The following ZNRF2 variants were observed in gnomAD, a reference collection of about 807,000 sequenced individuals.
ZNRF2 encodes the protein E3 ubiquitin-protein ligase ZNRF2.
A neutral mutation model predicts 20.4 loss-of-function variants in ZNRF2; 16 were observed. The observed-to-expected ratio is 0.79, with a 90% CI of 0.53 to 1.19. The LOEUF is 1.19. Among genes scored for constraint, ZNRF2 ranks in the 50% most tolerant of loss-of-function variants. ZNRF2 has a pLI of 0.00. For missense variants in ZNRF2, 363 were observed against 332.4 expected, an observed-to-expected ratio of 1.09 and a Z score of -0.72; for synonymous variants, 178 against 144.9, an observed-to-expected ratio of 1.23 and a Z score of -1.64.
chr7:30,312,051 TG>T (rs1799299714), intron 1 of ZNRF2, among the ~76,000 whole-genome samples: 1 of 152,206 alleles, frequency 6.6e-6, no homozygotes. Flanking sequence ...TATCAAATTT[TG>T]TTAGGTACAT....
rs1342790065 is a variant in ZNRF2 at position 30,330,126 on chromosome 7, A to G, written c.565+6389A>G. On this transcript the variant is annotated intron_variant, in intron 2 of 4. Transcript: ENST00000323037. ...ATATAAAGTTCAGTTTTTACTTTAG[A>G]CTTCTGTGATTCAAGGCAGTAAGAT... Among the ~76,000 whole-genome samples the G allele has an allele frequency of 2.6e-5, 4 of 152,288 alleles. No homozygotes were observed. The East Asian group carries it at 7.7e-4, about 29-fold the overall frequency.
intron 1 of ZNRF2, among the ~76,000 whole-genome samples, chr7:30,308,125 A>G (rs543046307): frequency 2.0e-5 from 3 of 152,250 alleles, no homozygotes; most frequent in African/African-American, 7.2e-5. Flanking sequence ...TTTATAATTT[A>G]TATATACATT....
intron 2 of ZNRF2, among the ~76,000 whole-genome samples, chr7:30,346,402 C>G (rs766503206): frequency 7.9e-5 from 12 of 151,800 alleles, no homozygotes; most frequent in Admixed American, 3.9e-4. Flanking sequence ...CCATGTTGGC[C>G]AGGCTGTTTT....
At chr7:30,303,038 T>C (rs933678913) in intron 1 of ZNRF2, among the ~76,000 whole-genome samples, 1 of 152,108 alleles carries the variant, frequency 6.6e-6, no homozygotes, top group Non-Finnish European at 1.5e-5. Flanking sequence ...CCTAACACTT[T>C]GGGAAGCTGA....
chr7:30,328,642 A>G (rs138325962), intron 2 of ZNRF2, among the ~76,000 whole-genome samples: 1 of 152,206 alleles, frequency 6.6e-6, no homozygotes, highest in African/African-American at 2.4e-5. Flanking sequence ...TTTGTCACAG[A>G]GATGATATTT....
intron 2 of ZNRF2, among the ~76,000 whole-genome samples, chr7:30,337,642 A>G (rs1367212704): frequency 6.6e-6 from 1 of 152,152 alleles, no homozygotes; most frequent in Non-Finnish European, 1.5e-5. Flanking sequence ...GTTTGAAAAT[A>G]TAGTCTAAAA....
At chr7:30,319,745 G>A (rs892106222) in intron 1 of ZNRF2, among the ~76,000 whole-genome samples, 2 of 152,180 alleles carry the variant, frequency 1.3e-5, no homozygotes, top group Non-Finnish European at 2.9e-5. Flanking sequence ...GGGTAGAAGA[G>A]AAGGATTAAT....
chr7:30,316,920 A>G (rs910377739), intron 1 of ZNRF2, among the ~76,000 whole-genome samples: 2 of 152,208 alleles, frequency 1.3e-5, no homozygotes. Flanking sequence ...TTTTCAGTTT[A>G]GACTCCAGGC....
chr7:30,293,177 G>A (rs1798942240), intron 1 of ZNRF2, among the ~76,000 whole-genome samples: 1 of 151,964 alleles, frequency 6.6e-6, no homozygotes, highest in African/African-American at 2.4e-5. Context: ...TTATGGTTGA[G>A]CATTTTGTTT....
At chr7:30,330,989 C>A (rs927004304) in intron 2 of ZNRF2, among the ~76,000 whole-genome samples, 1 of 152,146 alleles carries the variant, frequency 6.6e-6, no homozygotes, top group Non-Finnish European at 1.5e-5. Context: ...ATACAGCTTA[C>A]ATTGTAAGGC....
At chr7:30,305,105 A>G (rs984307399) in intron 1 of ZNRF2, among the ~76,000 whole-genome samples, 1 of 152,216 alleles carries the variant, frequency 6.6e-6, no homozygotes, top group East Asian at 1.9e-4. Context: ...GCAGTTGCAC[A>G]TCTCTTTCCT....
chr7:30,308,945 A>G (rs1799250129), intron 1 of ZNRF2, among the ~76,000 whole-genome samples: 1 of 152,098 alleles, frequency 6.6e-6, no homozygotes, highest in Non-Finnish European at 1.5e-5. Context: ...TTCAGCATCC[A>G]CATTCAGTGT....
intron 1 of ZNRF2, among the ~76,000 whole-genome samples, chr7:30,289,515 C>T (rs911539935): frequency 3.9e-5 from 6 of 152,052 alleles, no homozygotes; most frequent in Admixed American, 6.5e-5. Flanking sequence ...GGGGAGTGGC[C>T]GAAGAGGAAT....
At chr7:30,331,793 T>C (rs761515910) in intron 2 of ZNRF2, among the ~76,000 whole-genome samples, 4 of 152,212 alleles carry the variant, frequency 2.6e-5, no homozygotes, top group South Asian at 2.1e-4. Flanking sequence ...AAAAATGTTA[T>C]TGTAACCCAA....
At chr7:30,287,077 C>G (rs1233498418) in intron 1 of ZNRF2, among the ~76,000 whole-genome samples, 1 of 152,180 alleles carries the variant, frequency 6.6e-6, no homozygotes, top group Non-Finnish European at 1.5e-5. Context: ...TTTTAATTAG[C>G]TACCTTGTTT....
intron 1 of ZNRF2, among the ~76,000 whole-genome samples, chr7:30,308,299 T>C (rs1799240207): frequency 6.6e-6 from 1 of 152,234 alleles, no homozygotes; most frequent in South Asian, 2.1e-4. Context: ...ACCAGAATTT[T>C]TTCAACCATT....
At chr7:30,363,953 GTC>G (rs1224713202) in intron 4 of ZNRF2, among the ~76,000 whole-genome samples, 10 of 152,296 alleles carry the variant, frequency 6.6e-5, no homozygotes, top group African/African-American at 2.4e-4. Flanking sequence ...AGGAGTGAGA[GTC>G]TCTTTGTTCA....
At chr7:30,319,537 C>T (rs984834800) in intron 1 of ZNRF2, among the ~76,000 whole-genome samples, 19 of 152,020 alleles carry the variant, frequency 1.2e-4, no homozygotes, top group African/African-American at 4.6e-4. Flanking sequence ...GTATTTTCAC[C>T]TGACTATTAA....
At position 30,343,563 on chromosome 7, in the gene ZNRF2, A is replaced by AT. The variant is rs1177058179; in HGVS notation, c.566-12165_566-12164insT. ...ACATAACTATTATAACTTGGGTGCA[A>AT]ATTGCATTTTTTAATATTATAAAAG... is the stretch of plus-strand genomic sequence containing the variant. On this transcript the variant is annotated intron_variant, in intron 2 of 4. Transcript: ENST00000323037. 2.6e-5 allele frequency among the ~76,000 whole-genome samples: 4 copies of AT among 152,014 alleles called. No homozygotes were observed. In the East Asian group the frequency reaches 7.7e-4, roughly 29 times the overall value.
Sources: allele counts gnomAD v4.1 joint callset (sites outside exome capture counted in the v4.1 genomes callset), GRCh38; gene constraint gnomAD v4.1.1; transcripts MANE v1.5; gene names NCBI Gene and HGNC (gene_info 2026-07-23, HGNC 2026-07-21).